Variants in ZNF229 observed in about 807,000 individuals in gnomAD.
The protein encoded by ZNF229 is zinc finger protein 229.
ZNF229 carries 10 observed loss-of-function variants against 11.8 expected under a neutral mutation model. The observed-to-expected ratio is 0.85, with a 90% CI of 0.52 to 1.44. ZNF229 has a LOEUF of 1.44. ZNF229 is among the 40% of genes most tolerant of loss of function. The pLI is 0.00. For missense variants in ZNF229, 1,045 were observed against 1,015.1 expected (o/e 1.03, Z -0.40); for synonymous variants, 368 against 374.8 (o/e 0.98, Z 0.21).
At position 44,429,704 on chromosome 19, in the gene ZNF229, C is replaced by T; in HGVS notation, c.1077G>A (p.Arg359=). The change falls in exon 6 of 6, where the codon AGG becomes AGA. Residue 359 remains arginine (R), a synonymous_variant. Coordinates refer to ENST00000614049, the MANE Select transcript of ZNF229 (RefSeq NM_014518.4). ...YRCDVCGKGF[R]YKSVLLIHQG... is the part of the protein sequence containing the mutation. Reference sequence around the variant, plus strand: ...GATGAATAAGAAGAACCGATTTATACCTGAACCCCTTTCCACAGACATCAC... The same window carrying T: ...GATGAATAAGAAGAACCGATTTATATCTGAACCCCTTTCCACAGACATCAC... 1.2e-6 allele frequency: 2 copies of T among 1,614,146 alleles called. No individual in the cohort carries two copies. Among genetic ancestry groups the T allele is most frequent in the Non-Finnish European group, 8.5e-7 (1 of 1,180,034 alleles).
At chr19:44,438,827 C>T (rs1386634953) in intron 4 of ZNF229, among the ~76,000 whole-genome samples, 2 of 152,204 alleles carry the variant, frequency 1.3e-5, no homozygotes, top group East Asian at 3.8e-4. Flanking sequence ...CTCCATGCCC[C>T]TTACCCCATA....
intron 4 of ZNF229, among the ~76,000 whole-genome samples, chr19:44,442,044 CTCAGG>C (rs1224775269): frequency 2.6e-5 from 4 of 152,264 alleles, no homozygotes; most frequent in African/African-American, 9.6e-5. Context: ...AACAAGAATG[CTCAGG>C]TCTTTATGCA....
intron 4 of ZNF229, among the ~76,000 whole-genome samples, chr19:44,437,823 T>C (rs1232878281): frequency 6.6e-6 from 1 of 152,158 alleles, no homozygotes; most frequent in African/African-American, 2.4e-5. Context: ...TGCAGCAACA[T>C]GGAAGGAGCT....
In ZNF229 at chr19:44,430,016, A is replaced by C; in HGVS notation, c.765T>G (p.Leu255=). The part of the protein sequence containing the change: ...CRKDCIKNSV[L]HRINPGENGL... ...CATTCTCTCCAGGGTTAATGCGATG[A>C]AGTACAGAGTTTTTAATGCAGTCTT... The change falls in exon 6 of 6, where the codon CTT becomes CTG. Residue 255 remains leucine, a synonymous_variant. Transcript: ENST00000614049. The C allele has an allele frequency of 6.2e-7, 1 of 1,614,148 alleles. No individual in the cohort carries two copies. Among genetic ancestry groups the C allele is most frequent in the Non-Finnish European group, 8.5e-7 (1 of 1,180,030 alleles).
chr19:44,448,264 G>C (rs1167398720), intron 1 of ZNF229, 45 bp downstream of exon 1: 1 of 152,200 alleles, frequency 6.6e-6, no homozygotes, highest in East Asian at 1.9e-4. Context: ...CCGCACAGGC[G>C]CTCAGAATGT....
At chr19:44,443,732 ATATC>A (rs1243439149) in intron 2 of ZNF229, among the ~76,000 whole-genome samples, 2 of 152,240 alleles carry the variant, frequency 1.3e-5, no homozygotes, top group Non-Finnish European at 2.9e-5. Context: ...TGACATAAAA[ATATC>A]TATGATGTAT....
rs1281078116 is a variant in ZNF229 at position 44,429,674 on chromosome 19, C to T, written c.1107G>A (p.Gly369=). Residue 369 remains glycine (G), a synonymous_variant, in exon 6 of 6, where the codon GGG becomes GGA. Transcript: ENST00000614049. The stretch of plus-strand genomic sequence containing the variant: ...TATAGGGTCTCCTTCCTGTGTGCAC[C>T]CCTTGATGAATAAGAAGAACCGATT... ...RYKSVLLIHQ[G]VHTGRRPYKC... 6.2e-7 allele frequency: 1 copy of T among 1,614,012 alleles called. No individual in the cohort carries two copies. Among genetic ancestry groups the T allele is most frequent in the African/African-American group, 1.3e-5 (1 of 74,864 alleles).
intron 4 of ZNF229, among the ~76,000 whole-genome samples, chr19:44,433,588 G>A (rs1971762080): frequency 6.6e-6 from 1 of 151,852 alleles, no homozygotes; most frequent in South Asian, 2.1e-4. Flanking sequence ...CTTGCTTTAG[G>A]CATATAAAGT....
intron 4 of ZNF229, among the ~76,000 whole-genome samples, chr19:44,436,576 T>C (rs1410822396): frequency 1.3e-5 from 2 of 151,670 alleles, no homozygotes; most frequent in African/African-American, 4.9e-5. Flanking sequence ...ATTCCAGGAG[T>C]TTGAGACCAG....
At position 44,429,326 on chromosome 19, in the gene ZNF229, G is replaced by A. The variant is rs376788320; in HGVS notation, c.1455C>T (p.Gly485=). The change falls in exon 6 of 6, where the codon GGC becomes GGT. Residue 485 remains glycine (G), a synonymous_variant. Coordinates refer to ENST00000614049, the MANE Select transcript of ZNF229 (RefSeq NM_014518.4). ...HLSSHQKTHT[G]ERPYQCDKCG... is the part of the protein sequence containing the mutation. The stretch of plus-strand genomic sequence containing the variant: ...ACTTGTCACACTGGTAGGGCCTCTC[G>A]CCGGTGTGTGTCTTCTGATGACTGC... The A allele has an allele frequency of 2.2e-4, 362 of 1,613,904 alleles. No individual in the cohort carries two copies. The highest frequency in any genetic ancestry group is 2.8e-4 in the Non-Finnish European group (332 of 1,179,970).
At chr19:44,441,431 T>C (rs1971907186) in intron 4 of ZNF229, among the ~76,000 whole-genome samples, 1 of 152,226 alleles carries the variant, frequency 6.6e-6, no homozygotes, top group African/African-American at 2.4e-5. Flanking sequence ...TAGAAAATAA[T>C]GTTTCATGTG....
Position 44,426,350 on chromosome 19 carries a change from T to G in ZNF229, c.*1953A>C, listed in dbSNP as rs2123321626. Reference sequence around the variant, plus strand: ...CTGTTATTATAAAACTGAAAGATACTTTGTTACAAAGTAAAATACATAAAA... The same window carrying G: ...CTGTTATTATAAAACTGAAAGATACGTTGTTACAAAGTAAAATACATAAAA... On this transcript the variant is annotated 3_prime_UTR_variant, in exon 6 of 6. Transcript: ENST00000614049. The G allele has an allele frequency of 6.6e-6, 1 of 152,288 alleles. No individual in the cohort carries two copies. Among genetic ancestry groups the G allele is most frequent in the South Asian group, 2.1e-4 (1 of 4,828 alleles). 9.4% of individuals were successfully genotyped at this position (152,288 alleles called of 1,614,324 possible).
At position 44,429,921 on chromosome 19, in the gene ZNF229, G is replaced by C. The variant is rs780190220; in HGVS notation, c.860C>G (p.Pro287Arg). 1 of 1,614,044 alleles carries C rather than the reference G, an allele frequency of 6.2e-7. No homozygotes were observed. Among genetic ancestry groups the C allele is most frequent in the Non-Finnish European group, 8.5e-7 (1 of 1,179,994 alleles). Residue 287 changes from proline to arginine, a missense_variant, in exon 6 of 6, where the codon CCT becomes CGT. Coordinates refer to ENST00000614049, the MANE Select transcript of ZNF229 (RefSeq NM_014518.4). Reference protein sequence around the residue: ...DADLPPHPRVPLKEKLCQYDE... With the variant: ...DADLPPHPRVRLKEKLCQYDE... ...ATATTGACAGAGTTTCTCTTTCAAA[G>C]GTACTCTTGGATGCGGGGGAAGGTC...
At position 44,439,568 on chromosome 19, in the gene ZNF229, C is replaced by T. The variant is rs556286315; in HGVS notation, c.93+2995G>A. Among the ~76,000 whole-genome samples the T allele has an allele frequency of 9.2e-5, 14 of 152,214 alleles. No individual in the cohort carries two copies. The South Asian group carries it at 2.5e-3, about 27-fold the overall frequency. On this transcript the variant is annotated intron_variant, in intron 4 of 5. Coordinates refer to ENST00000614049, the MANE Select transcript of ZNF229 (RefSeq NM_014518.4). ...AAGCGATTCTTCTGCCTTAGCCTCC[C>T]GAGTACCTGAGATTACAGGTGTGCG...
At position 44,427,559 on chromosome 19, in the gene ZNF229, T is replaced by A. The variant is rs1351305858; in HGVS notation, c.*744A>T. 1.3e-5 allele frequency: 2 copies of A among 152,152 alleles called. No individual in the cohort carries two copies. The highest frequency in any genetic ancestry group is 2.9e-5 in the Non-Finnish European group (2 of 68,042). 9.4% of individuals were successfully genotyped at this position (152,152 alleles called of 1,614,324 possible). A position where few individuals can be genotyped will look rare whatever the true frequency, so the allele number is the denominator to read the frequency against. On this transcript the variant is annotated 3_prime_UTR_variant, in exon 6 of 6. Transcript: ENST00000614049. ...CAGCATTTCAAAGACGCCACATTCT[T>A]TCAAAATTAACCTATAAATTCAATG...
chr19:44,429,328 C>T lies in ZNF229; in HGVS notation c.1453G>A (p.Gly485Ser), dbSNP rs775947315. The stretch of plus-strand genomic sequence containing the variant: ...TTGTCACACTGGTAGGGCCTCTCGC[C>T]GGTGTGTGTCTTCTGATGACTGCTG... ...HLSSHQKTHT[G>S]ERPYQCDKCG... Residue 485 changes from glycine to serine, a missense_variant, in exon 6 of 6, where the codon GGC (glycine) becomes AGC (serine). Transcript: ENST00000614049. 98 of 1,613,978 alleles carry T rather than the reference C, an allele frequency of 6.1e-5. No homozygotes were observed. The highest frequency in any genetic ancestry group is 1.6e-4 in the Middle Eastern group (1 of 6,084).
chr19:44,433,344 C>T (rs1353442471), intron 4 of ZNF229, among the ~76,000 whole-genome samples: 1 of 152,056 alleles, frequency 6.6e-6, no homozygotes, highest in Non-Finnish European at 1.5e-5. Context: ...AGGGGTGAGC[C>T]ACTGATATTT....
At chr19:44,440,477 C>T (rs1003175965) in intron 4 of ZNF229, among the ~76,000 whole-genome samples, 1 of 151,942 alleles carries the variant, frequency 6.6e-6, no homozygotes, top group Admixed American at 6.6e-5. Flanking sequence ...CCCGAGAGAA[C>T]AGAGCAAGGA....
intron 2 of ZNF229, among the ~76,000 whole-genome samples, chr19:44,446,532 C>T (rs1357186517): frequency 2.6e-5 from 4 of 152,146 alleles, no homozygotes; most frequent in Non-Finnish European, 5.9e-5. Flanking sequence ...ACACACATGC[C>T]TATGTGAATA....
Sources: allele counts gnomAD v4.1 joint callset (sites outside exome capture counted in the v4.1 genomes callset), GRCh38; gene constraint gnomAD v4.1.1; transcripts MANE v1.5; gene names NCBI Gene and HGNC (gene_info 2026-07-23, HGNC 2026-07-21).